Variants in C12orf54 observed in about 807,000 individuals in gnomAD.
C12orf54 encodes uncharacterized protein C12orf54.
Under a neutral mutation model 26.4 loss-of-function variants are expected in C12orf54, and 24 were observed. That is an observed-to-expected ratio of 0.91 (90% CI 0.66 to 1.28). C12orf54 has a LOEUF of 1.28. C12orf54 is among the 50% of genes most tolerant of loss of function. C12orf54 has a pLI of 0.00. For missense variants in C12orf54, 154 were observed against 150.9 expected (o/e 1.02, Z -0.11); for synonymous variants, 54 against 47.0 (o/e 1.15, Z -0.61).
At chr12:48,467,653 A>G in the C12orf54 span, among the ~76,000 whole-genome samples, 1 of 152,158 alleles carries the variant, frequency 6.6e-6, no homozygotes, top group African/African-American at 2.4e-5. Flanking sequence ...TCAGAATGGC[A>G]GAGAGGGCTA....
chr12:48,468,371 T>C, the C12orf54 span, among the ~76,000 whole-genome samples: 1 of 152,102 alleles, frequency 6.6e-6, no homozygotes, highest in Non-Finnish European at 1.5e-5. Flanking sequence ...TGGGCAGGAA[T>C]GATGTCCAAG....
chr12:48,459,675 G>A, the C12orf54 span, among the ~76,000 whole-genome samples: 1 of 152,132 alleles, frequency 6.6e-6, no homozygotes, highest in Non-Finnish European at 1.5e-5. Flanking sequence ...AGAAACCATC[G>A]TAATTACAGT....
chr12:48,473,417 G>T, the C12orf54 span: 1 of 709,914 alleles, frequency 1.4e-6, no homozygotes, highest in South Asian at 1.6e-5. Flanking sequence ...ATGCCTAAGT[G>T]GAATAATCTA....
At chr12:48,476,496 A>G in the C12orf54 span, among the ~76,000 whole-genome samples, 3 of 152,202 alleles carry the variant, frequency 2.0e-5, no homozygotes, top group Admixed American at 6.5e-5. Context: ...GTATTCAGGA[A>G]ACCTATCTCA....
the C12orf54 span, among the ~76,000 whole-genome samples, chr12:48,456,375 G>A: frequency 1.3e-5 from 2 of 152,330 alleles, no homozygotes; most frequent in East Asian, 3.9e-4. Flanking sequence ...CAAGTGGTCA[G>A]GGAAATAGTT....
chr12:48,474,589 T>C, the C12orf54 span, among the ~76,000 whole-genome samples: 6 of 152,138 alleles, frequency 3.9e-5, no homozygotes, highest in African/African-American at 7.2e-5. Context: ...CACCAGGAGA[T>C]TATATCCCAC....
At position 48,486,060 on chromosome 12, in the gene C12orf54, G is replaced by A. The variant is rs1954257867; in HGVS notation, c.66-118G>A. 3.9e-6 allele frequency: 4 copies of A among 1,027,820 alleles called. No individual in the cohort carries two copies. The South Asian group carries it at 4.4e-5, about 11-fold the overall frequency. The allele number at this position is 1,027,820 out of a possible 1,614,324, so 63.7% of individuals were successfully genotyped here. On this transcript the variant is annotated intron_variant, in intron 2 of 8. Coordinates refer to ENST00000548364, the MANE Select transcript of C12orf54 (RefSeq NM_152319.4). ...AGGCAGGACCGTGGCTACCCTTCCT[G>A]GATTTTTAGTATAGAAACTTCAAGA...
the C12orf54 span, chr12:48,472,666 TG>T: frequency 1.2e-6 from 2 of 1,613,992 alleles, no homozygotes; most frequent in African/African-American, 1.3e-5. Context: ...GCGTGAGAGA[TG>T]GAGATGGGCA....
the C12orf54 span, among the ~76,000 whole-genome samples, chr12:48,453,240 G>T: frequency 7.2e-5 from 11 of 151,986 alleles, no homozygotes; most frequent in Admixed American, 4.6e-4. Context: ...TGCAGGAACA[G>T]ACAACCAAAC....
At chr12:48,477,674 A>T (rs1232463665), upstream of C12orf54, among the ~76,000 whole-genome samples, 1 of 152,194 alleles carries the variant, frequency 6.6e-6, no homozygotes, top group African/African-American at 2.4e-5. Context: ...CTCGACACAT[A>T]CATCCTCCCA....
rs1592201319 is a variant in C12orf54, at chr12:48,488,133, T to C, written c.136-791T>C. The C allele has an allele frequency of 5.1e-6, 4 of 790,778 alleles. No homozygotes were observed. The East Asian group carries it at 9.7e-5, about 19-fold the overall frequency. The allele number at this position is 790,778 out of a possible 1,614,324, so 49.0% of individuals were successfully genotyped here. On this transcript the variant is annotated intron_variant, in intron 4 of 8. Transcript: ENST00000548364. ...AGGCTGCATGAAGGAACAGTTTGCC[T>C]GGAGACATTTCTACTGGAACCTTAT...
At chr12:48,480,193 T>C (rs1184353632), upstream of C12orf54, among the ~76,000 whole-genome samples, 4 of 152,206 alleles carry the variant, frequency 2.6e-5, no homozygotes, top group East Asian at 1.9e-4. Flanking sequence ...GTTTGTTGTA[T>C]TGTAAAAAGA....
At chr12:48,490,668 G>T (rs550097780) in intron 5 of C12orf54, 144 bp from the exon 6 acceptor site, 16 of 894,308 alleles carry the variant, frequency 1.8e-5, no homozygotes, top group Middle Eastern at 2.3e-4. Flanking sequence ...AAGAAAGAAA[G>T]AAATCTTGGG....
the C12orf54 span, among the ~76,000 whole-genome samples, chr12:48,454,411 T>C: frequency 1.3e-5 from 2 of 152,152 alleles, no homozygotes; most frequent in African/African-American, 4.8e-5. Flanking sequence ...GACTGTTCTT[T>C]AATTCGATTA....
At chr12:48,429,381 A>G in the C12orf54 span, among the ~76,000 whole-genome samples, 1 of 151,966 alleles carries the variant, frequency 6.6e-6, no homozygotes, top group South Asian at 2.1e-4. Context: ...CCAAACTGTC[A>G]CAGTTTGCTG....
the C12orf54 span, among the ~76,000 whole-genome samples, chr12:48,429,517 A>T: frequency 6.6e-6 from 1 of 152,078 alleles, no homozygotes; most frequent in Non-Finnish European, 1.5e-5. Context: ...TCTCCCATAC[A>T]CCAACAGCAA....
the C12orf54 span, among the ~76,000 whole-genome samples, chr12:48,474,262 G>A: frequency 6.6e-6 from 1 of 152,216 alleles, no homozygotes; most frequent in African/African-American, 2.4e-5. Context: ...GCCAGGTGGA[G>A]GAGCCAAGAT....
At chr12:48,413,885 C>A in the C12orf54 span, among the ~76,000 whole-genome samples, 1 of 152,098 alleles carries the variant, frequency 6.6e-6, no homozygotes, top group South Asian at 2.1e-4. Context: ...GCTAGGAAAT[C>A]CCCCACCAGA....
the C12orf54 span, among the ~76,000 whole-genome samples, chr12:48,430,470 C>G: frequency 1.1e-4 from 16 of 151,964 alleles, no homozygotes; most frequent in Non-Finnish European, 1.2e-4. Context: ...AACAAACAAT[C>G]CCATCAGAAA....
Sources: allele counts gnomAD v4.1 joint callset (sites outside exome capture counted in the v4.1 genomes callset), GRCh38; gene constraint gnomAD v4.1.1; transcripts MANE v1.5; gene names NCBI Gene and HGNC (gene_info 2026-07-23, HGNC 2026-07-21).